The following CORIN variants were observed in gnomAD, a reference collection of about 807,000 sequenced individuals.
The protein encoded by CORIN is atrial natriuretic peptide-converting enzyme.
CORIN carries 117 observed loss-of-function variants against 125.3 expected under a neutral mutation model. That is an observed-to-expected ratio of 0.93 (90% CI 0.80 to 1.09). The LOEUF (loss-of-function observed/expected upper bound fraction) is 1.09. CORIN is among the 50% of genes least tolerant of loss of function. The pLI is 0.00. For missense variants in CORIN, 1,253 were observed against 1,306.7 expected (o/e 0.96, Z 0.63); for synonymous variants, 450 against 466.4 (o/e 0.96, Z 0.45).
At chr4:47,728,235 A>C (rs1454244396) in intron 5 of CORIN, among the ~76,000 whole-genome samples, 1 of 152,176 alleles carries the variant, frequency 6.6e-6, no homozygotes, top group Non-Finnish European at 1.5e-5. Context: ...TTAGAGTTCA[A>C]ACTCTAGGAT....
intron 2 of CORIN, among the ~76,000 whole-genome samples, chr4:47,793,738 G>A (rs1158200170): frequency 6.6e-6 from 1 of 152,150 alleles, no homozygotes; most frequent in Non-Finnish European, 1.5e-5. Flanking sequence ...ACACTGGTGG[G>A]CTTGCTAAGT....
At chr4:47,625,279 GA>G (rs1722506439) in intron 17 of CORIN, among the ~76,000 whole-genome samples, 1 of 152,042 alleles carries the variant, frequency 6.6e-6, no homozygotes, top group Non-Finnish European at 1.5e-5. Context: ...TTGTTAGATT[GA>G]AAACACATAG....
At chr4:47,616,547 G>A (rs550441308) in intron 19 of CORIN, among the ~76,000 whole-genome samples, 71 of 152,294 alleles carry the variant, frequency 4.7e-4, no homozygotes, top group African/African-American at 1.7e-3. Context: ...ATTTCAAGAA[G>A]GATGTAGTGA....
At chr4:47,714,934 T>C (rs181349392) in intron 5 of CORIN, among the ~76,000 whole-genome samples, 8 of 152,358 alleles carry the variant, frequency 5.3e-5, no homozygotes, top group Non-Finnish European at 1.2e-4. Flanking sequence ...GTTGCTATTA[T>C]GACTAACATC....
intron 16 of CORIN, among the ~76,000 whole-genome samples, chr4:47,633,140 T>C (rs1310740291): frequency 6.6e-6 from 1 of 152,138 alleles, no homozygotes; most frequent in African/African-American, 2.4e-5. Flanking sequence ...GTAGTAACTG[T>C]ATTAGGCAAG....
intron 1 of CORIN, 33 bp downstream of exon 1, chr4:47,837,854 G>A: frequency 6.3e-7 from 1 of 1,589,952 alleles, no homozygotes; most frequent in Non-Finnish European, 8.6e-7. Context: ...CATCACACCT[G>A]GCTGCGGTAG....
intron 5 of CORIN, among the ~76,000 whole-genome samples, chr4:47,738,968 G>A (rs1450324978): frequency 1.3e-5 from 2 of 151,762 alleles, no homozygotes; most frequent in East Asian, 3.9e-4. Flanking sequence ...TGATCAGGCA[G>A]AAGAGAAAAT....
intron 3 of CORIN, among the ~76,000 whole-genome samples, chr4:47,765,503 T>C (rs567168336): frequency 1.3e-5 from 2 of 152,310 alleles, no homozygotes; most frequent in Admixed American, 6.5e-5. Context: ...AACCTGTACA[T>C]ATGCCTGAGA....
chr4:47,605,145 G>A (rs1037247081), intron 19 of CORIN, among the ~76,000 whole-genome samples: 1 of 152,054 alleles, frequency 6.6e-6, no homozygotes, highest in East Asian at 1.9e-4. Flanking sequence ...CAGCCAACCT[G>A]TCTCACCCTT....
At chr4:47,637,291 G>T (rs1723063071) in intron 16 of CORIN, among the ~76,000 whole-genome samples, 1 of 152,184 alleles carries the variant, frequency 6.6e-6, no homozygotes, top group African/African-American at 2.4e-5. Context: ...AGGAAAATTT[G>T]CAGCGTGACA....
chr4:47,837,604 G>T (rs949263239), intron 1 of CORIN: 9 of 551,288 alleles, frequency 1.6e-5, no homozygotes, highest in Middle Eastern at 4.9e-4. Flanking sequence ...GGGGTCTCCG[G>T]ATCGAGCCGA....
intron 4 of CORIN, among the ~76,000 whole-genome samples, chr4:47,755,965 T>C (rs1421024913): frequency 1.3e-5 from 2 of 152,240 alleles, no homozygotes; most frequent in Non-Finnish European, 1.5e-5. Context: ...GAGCACCTGC[T>C]ATGTGTTGGG....
At chr4:47,773,674 C>T (rs1432713825) in intron 3 of CORIN, among the ~76,000 whole-genome samples, 1 of 152,036 alleles carries the variant, frequency 6.6e-6, no homozygotes, top group African/African-American at 2.4e-5. Flanking sequence ...TCTACATACT[C>T]AAAAGGAAAC....
chr4:47,742,263 A>G (rs970476681), intron 5 of CORIN, among the ~76,000 whole-genome samples: 9 of 151,986 alleles, frequency 5.9e-5, no homozygotes, highest in African/African-American at 2.2e-4. Context: ...CAAACATCAG[A>G]ATTAAAGGTG....
intron 19 of CORIN, among the ~76,000 whole-genome samples, chr4:47,622,230 T>G (rs1722350954): frequency 6.6e-6 from 1 of 152,116 alleles, no homozygotes; most frequent in Non-Finnish European, 1.5e-5. Context: ...GTGCTACATT[T>G]TCTTAATCCA....
At chr4:47,626,291 T>C (rs1473445684) in intron 17 of CORIN, 114 bp downstream of exon 17, 2 of 703,826 alleles carry the variant, frequency 2.8e-6, no homozygotes, top group Non-Finnish European at 5.1e-6. Flanking sequence ...ATGGAAACTC[T>C]TTACTGATAT....
At chr4:47,783,231 G>T (rs1730630666) in intron 3 of CORIN, among the ~76,000 whole-genome samples, 1 of 151,984 alleles carries the variant, frequency 6.6e-6, no homozygotes, top group South Asian at 2.1e-4. Flanking sequence ...TAAAAACCCA[G>T]ATATAGAATA....
chr4:47,795,241 C>T lies in CORIN; in HGVS notation c.209-8316G>A, dbSNP rs139850103. 1.3e-4 allele frequency among the ~76,000 whole-genome samples: 20 copies of T among 152,158 alleles called. No individual in the cohort carries two copies. In the East Asian group the frequency reaches 3.9e-3, roughly 29 times the overall value. The stretch of plus-strand genomic sequence containing the variant: ...GCACATTTGATGCCTCTATCTTTGT[C>T]GTTTCTGCTCAAAATCGCTTTGGGT... On this transcript the variant is annotated intron_variant, in intron 2 of 21. Transcript: ENST00000273857.
At position 47,595,374 on chromosome 4, in the gene CORIN, G is replaced by A. The variant is rs1307731515; in HGVS notation, c.*347C>T. 2 of 166,582 alleles carry A rather than the reference G, an allele frequency of 1.2e-5. No individual in the cohort carries two copies. The highest frequency in any genetic ancestry group is 4.8e-5 in the African/African-American group (2 of 41,956). 10.3% of individuals were successfully genotyped at this position (166,582 alleles called of 1,614,324 possible). ...AATATCTATGTCTTTTTTTGTGATA[G>A]GATAAAAGAGACCATTCCATAACCT... On this transcript the variant is annotated 3_prime_UTR_variant, in exon 22 of 22. Transcript: ENST00000273857.
Sources: gnomAD v4.1 joint callset for allele counts (sites outside exome capture counted in the v4.1 genomes callset) on GRCh38, gnomAD v4.1.1 for gene constraint, MANE v1.5 for transcripts, NCBI Gene and HGNC (gene_info 2026-07-23, HGNC 2026-07-21) for gene names.